The following MEIKIN variants were observed in gnomAD, a reference collection of about 807,000 sequenced individuals.
MEIKIN encodes the protein meiosis-specific kinetochore protein.
At chr5:131,868,966 A>G (rs6865911) in intron 9 of MEIKIN, among the ~76,000 whole-genome samples, 119,262 of 152,156 alleles carry the variant, frequency 0.78, 46,993 homozygotes, top group African/African-American at 0.83. Flanking sequence ...TCATACAGCA[A>G]AAGTTTTTTT....
At chr5:131,922,237 C>T (rs1580908419) in intron 5 of MEIKIN, among the ~76,000 whole-genome samples, 1 of 152,138 alleles carries the variant, frequency 6.6e-6, no homozygotes, top group African/African-American at 2.4e-5. Flanking sequence ...ATATGTTATA[C>T]CTATGTGCCA....
chr5:131,834,510 T>A (rs942449789), intron 11 of MEIKIN, among the ~76,000 whole-genome samples: 5 of 152,198 alleles, frequency 3.3e-5, no homozygotes, highest in African/African-American at 1.2e-4. Context: ...CCAGCCCCTG[T>A]CAACCACCAT....
At chr5:131,938,358 G>C (rs2149654604) in intron 4 of MEIKIN, among the ~76,000 whole-genome samples, 1 of 152,058 alleles carries the variant, frequency 6.6e-6, no homozygotes, top group Middle Eastern at 3.4e-3. Flanking sequence ...AGTAGAGACA[G>C]GGTTTCACCG....
chr5:131,934,546 T>C (rs1301208076), intron 4 of MEIKIN, among the ~76,000 whole-genome samples: 1 of 152,164 alleles, frequency 6.6e-6, no homozygotes, highest in African/African-American at 2.4e-5. Flanking sequence ...CTTGCACTCA[T>C]ACCTTCCATC....
intron 9 of MEIKIN, among the ~76,000 whole-genome samples, chr5:131,867,184 C>G (rs916668492): frequency 6.6e-6 from 1 of 152,178 alleles, no homozygotes; most frequent in Admixed American, 6.5e-5. Context: ...CCAAATTCAA[C>G]TGACTTTTTA....
intron 11 of MEIKIN, among the ~76,000 whole-genome samples, chr5:131,822,700 CAA>C (rs879143016): frequency 1.3e-5 from 2 of 152,116 alleles, no homozygotes; most frequent in Non-Finnish European, 2.9e-5. Flanking sequence ...CTACTTAACT[CAA>C]GAGAAGTTTA....
At chr5:131,830,866 A>T (rs952251846) in intron 11 of MEIKIN, among the ~76,000 whole-genome samples, 19 of 152,200 alleles carry the variant, frequency 1.2e-4, no homozygotes, top group Non-Finnish European at 1.3e-4. Context: ...TTTAAAAACA[A>T]GAACAAACAA....
intron 9 of MEIKIN, among the ~76,000 whole-genome samples, chr5:131,867,040 C>G (rs1220056794): frequency 6.6e-6 from 1 of 152,110 alleles, no homozygotes; most frequent in Non-Finnish European, 1.5e-5. Context: ...TTCTCTATTT[C>G]CCTTCAGAGT....
In MEIKIN at chr5:131,822,203, C is replaced by CA. The variant is rs1392625342; in HGVS notation, c.976-3341dup. On this transcript the variant is annotated intron_variant, in intron 11 of 12. Coordinates refer to ENST00000442687, the MANE Select transcript of MEIKIN (RefSeq NM_001303622.2). ...GCTGAAGTGTGCTTCCTGTAGGCAA[C>CA]AGATCATTGGGTCTTGTTTTCTTTT... 2.0e-5 allele frequency among the ~76,000 whole-genome samples: 3 copies of CA among 152,116 alleles called. No individual in the cohort carries two copies. The East Asian group carries it at 5.8e-4, about 29-fold the overall frequency.
Position 131,901,374 on chromosome 5 carries a change from T to C in MEIKIN, c.703+10441A>G, listed in dbSNP as rs182301652. ...CACCTCGTCCTAACATCGCCACCAGTGTGAATGTGCACACGGACCCCAGTG... is the reference window on the plus strand; with the variant it reads ...CACCTCGTCCTAACATCGCCACCAGCGTGAATGTGCACACGGACCCCAGTG... On this transcript the variant is annotated intron_variant, in intron 8 of 12. Transcript: ENST00000442687. Among the ~76,000 whole-genome samples the C allele has an allele frequency of 1.3e-4, 20 of 152,210 alleles. No homozygotes were observed. In the East Asian group the frequency reaches 3.9e-3, roughly 29 times the overall value.
intron 12 of MEIKIN, among the ~76,000 whole-genome samples, chr5:131,813,621 G>A (rs992866931): frequency 3.3e-5 from 5 of 151,808 alleles, no homozygotes; most frequent in African/African-American, 1.2e-4. Flanking sequence ...TAGAGACGGG[G>A]TTTCACTGTG....
intron 9 of MEIKIN, among the ~76,000 whole-genome samples, chr5:131,856,268 G>T (rs1031194705): frequency 2.0e-5 from 3 of 152,174 alleles, no homozygotes; most frequent in Non-Finnish European, 4.4e-5. Flanking sequence ...AACCTATGGT[G>T]TCTGGAGAGT....
chr5:131,813,546 C>A (rs936159456), intron 12 of MEIKIN, among the ~76,000 whole-genome samples: 7 of 151,832 alleles, frequency 4.6e-5, no homozygotes, highest in African/African-American at 1.7e-4. Context: ...CCTGCCTCAG[C>A]CTCCTGAGTA....
At chr5:131,855,865 A>G (rs1004822004) in intron 9 of MEIKIN, among the ~76,000 whole-genome samples, 1 of 152,206 alleles carries the variant, frequency 6.6e-6, no homozygotes, top group African/African-American at 2.4e-5. Flanking sequence ...GTAGAAAGTA[A>G]GAGTGATAGT....
chr5:131,929,697 C>T (rs773611817), intron 5 of MEIKIN, among the ~76,000 whole-genome samples: 24 of 152,178 alleles, frequency 1.6e-4, no homozygotes, highest in Non-Finnish European at 2.5e-4. Flanking sequence ...ACCCTCCAAC[C>T]TCAAGTAAGC....
At chr5:131,810,465 C>A (rs1772932953) in intron 12 of MEIKIN, among the ~76,000 whole-genome samples, 1 of 152,220 alleles carries the variant, frequency 6.6e-6, no homozygotes, top group African/African-American at 2.4e-5. Flanking sequence ...TGTTCTAGTT[C>A]TGATTCTACA....
intron 5 of MEIKIN, among the ~76,000 whole-genome samples, chr5:131,926,656 G>C (rs551053330): frequency 2.0e-5 from 3 of 152,100 alleles, no homozygotes; most frequent in Non-Finnish European, 4.4e-5. Flanking sequence ...GAAGCCATCT[G>C]GTCCTGGATT....
chr5:131,809,731 G>A (rs754240321), intron 12 of MEIKIN, among the ~76,000 whole-genome samples: 34 of 151,966 alleles, frequency 2.2e-4, no homozygotes, highest in Non-Finnish European at 4.6e-4. Flanking sequence ...GCCTGAACCA[G>A]GGAGTCGGAG....
chr5:131,861,445 T>C (rs916857502), intron 9 of MEIKIN, among the ~76,000 whole-genome samples: 3 of 152,132 alleles, frequency 2.0e-5, no homozygotes, highest in Non-Finnish European at 2.9e-5. Context: ...GTTCCTCTTT[T>C]ATTCCTTTTT....
Sources: allele counts gnomAD v4.1 joint callset (sites outside exome capture counted in the v4.1 genomes callset), GRCh38; gene constraint gnomAD v4.1.1; transcripts MANE v1.5; gene names NCBI Gene and HGNC (gene_info 2026-07-23, HGNC 2026-07-21).